Variants in MYO16 observed in about 807,000 individuals in gnomAD.
MYO16 encodes the protein unconventional myosin-XVI.
In MYO16, 94 loss-of-function variants were observed where a neutral mutation model predicts 205.3. That is an observed-to-expected ratio of 0.46 (90% CI 0.39 to 0.54). MYO16 has a LOEUF of 0.54. Ranked by LOEUF, MYO16 falls within the 20% of genes least tolerant of loss-of-function variation. The probability of loss-of-function intolerance (pLI) is 0.00; values close to 1 mark genes in which losing one functional copy is unlikely to be tolerated. For synonymous variants in MYO16, 988 were observed against 954.0 expected, an observed-to-expected ratio of 1.04 and a Z score of -0.66; for missense variants, 2,315 against 2,387.5, an observed-to-expected ratio of 0.97 and a Z score of 0.63.
chr13:108,711,793 G>A (rs1207611977), intron 2 of MYO16, among the ~76,000 whole-genome samples: 1 of 152,198 alleles, frequency 6.6e-6, no homozygotes, highest in Non-Finnish European at 1.5e-5. Context: ...GTTTGAACCT[G>A]AGCCATTTTG....
At chr13:108,554,038 C>T in the MYO16 span, among the ~76,000 whole-genome samples, 1 of 152,148 alleles carries the variant, frequency 6.6e-6, no homozygotes, top group Non-Finnish European at 1.5e-5. Flanking sequence ...GTTGCTAAAC[C>T]GTGTGTGTTC....
chr13:108,966,504 G>A (rs998708292), intron 20 of MYO16, among the ~76,000 whole-genome samples: 16 of 152,124 alleles, frequency 1.1e-4, no homozygotes, highest in African/African-American at 3.4e-4. Flanking sequence ...AACATAAACC[G>A]TGGAAAACAC....
intron 23 of MYO16, among the ~76,000 whole-genome samples, chr13:109,045,965 CTCTCCCTCAGGCGAGGAGGCAAAT>C (rs137919525): frequency 2.7e-4 from 39 of 142,352 alleles, no homozygotes; most frequent in South Asian, 4.6e-4. Context: ...CCGAGGCACA[CTCTCCCTCAGGCGAGGAGGCAAAT>C]TCTCCCTCAC....
At chr13:108,508,638 T>C in the MYO16 span, among the ~76,000 whole-genome samples, 9 of 152,188 alleles carry the variant, frequency 5.9e-5, no homozygotes, top group African/African-American at 2.2e-4. Flanking sequence ...CTTTCCCTCC[T>C]GAGAGAGAAG....
At chr13:109,025,545 G>A (rs1451613367) in intron 23 of MYO16, among the ~76,000 whole-genome samples, 1 of 152,002 alleles carries the variant, frequency 6.6e-6, no homozygotes, top group Non-Finnish European at 1.5e-5. Flanking sequence ...AGGGTTTTTT[G>A]GCTAGATATT....
intron 1 of MYO16, among the ~76,000 whole-genome samples, chr13:108,643,252 C>A (rs1880591801): frequency 6.6e-6 from 1 of 152,120 alleles, no homozygotes; most frequent in South Asian, 2.1e-4. Context: ...TGAAGTTGTA[C>A]AATATGTGAT....
At chr13:109,073,555 C>T (rs1314091607) in intron 27 of MYO16, among the ~76,000 whole-genome samples, 1 of 152,120 alleles carries the variant, frequency 6.6e-6, no homozygotes, top group Non-Finnish European at 1.5e-5. Context: ...AAAACACATA[C>T]AGAAATACAT....
At chr13:108,859,331 C>G (rs1297764685) in intron 11 of MYO16, among the ~76,000 whole-genome samples, 1 of 152,150 alleles carries the variant, frequency 6.6e-6, no homozygotes, top group Non-Finnish European at 1.5e-5. Flanking sequence ...TCAACCAAAA[C>G]CCTAATTTTA....
chr13:108,789,510 C>G (rs1886553185), intron 5 of MYO16, among the ~76,000 whole-genome samples: 1 of 152,104 alleles, frequency 6.6e-6, no homozygotes, highest in Non-Finnish European at 1.5e-5. Flanking sequence ...CCTGCACCAG[C>G]CTCTTCAAAA....
chr13:109,195,126 AT>A lies in MYO16; in HGVS notation c.5416-11475del, dbSNP rs140100509. Reference sequence around the variant, plus strand: ...TTATAAAAGTAAAGAATAGTTGTTGATTTTTTTTAAGAAATTAAAGCATCCA... The same window carrying A: ...TTATAAAAGTAAAGAATAGTTGTTGATTTTTTTAAGAAATTAAAGCATCCA... On this transcript the variant is annotated intron_variant, in intron 34 of 34. Coordinates refer to ENST00000457511, the MANE Select transcript of MYO16 (RefSeq NM_001198950.3). Among the ~76,000 whole-genome samples the A allele has an allele frequency of 2.6e-5, 4 of 151,862 alleles. No individual in the cohort carries two copies. The South Asian group carries it at 6.2e-4, about 24-fold the overall frequency.
In MYO16 at chr13:109,080,839, A is replaced by G. The variant is rs73618353; in HGVS notation, c.3336-19946A>G. 3.6e-3 allele frequency among the ~76,000 whole-genome samples: 547 copies of G among 152,274 alleles called. 4 individuals carry two copies. The highest frequency in any genetic ancestry group is 0.012 in the African/African-American group (495 of 41,548). On this transcript the variant is annotated intron_variant, in intron 27 of 34. Coordinates refer to ENST00000457511, the MANE Select transcript of MYO16 (RefSeq NM_001198950.3). Reference sequence around the variant, plus strand: ...TATCTCAAGAGTTTTTGCAGCAACCATTACTTGTAAGTACTGTGTGACCAT... The same window carrying G: ...TATCTCAAGAGTTTTTGCAGCAACCGTTACTTGTAAGTACTGTGTGACCAT...
intron 1 of MYO16, among the ~76,000 whole-genome samples, chr13:108,617,516 G>A (rs1453798499): frequency 6.6e-6 from 1 of 152,140 alleles, no homozygotes; most frequent in East Asian, 1.9e-4. Flanking sequence ...ACAACCTGTT[G>A]TTGTAAATGC....
intron 23 of MYO16, among the ~76,000 whole-genome samples, chr13:109,043,589 G>A (rs1395299543): frequency 6.6e-6 from 1 of 152,120 alleles, no homozygotes; most frequent in Non-Finnish European, 1.5e-5. Context: ...AAGTGAGGAT[G>A]TAAAAAGGCC....
intron 1 of MYO16, among the ~76,000 whole-genome samples, chr13:108,614,133 G>A (rs148869214): frequency 1.4e-4 from 21 of 152,138 alleles, no homozygotes; most frequent in African/African-American, 2.4e-4. Flanking sequence ...AATGTTTACA[G>A]GATACAATAT....
chr13:108,576,203 G>C, the MYO16 span, among the ~76,000 whole-genome samples: 3 of 152,212 alleles, frequency 2.0e-5, no homozygotes, highest in African/African-American at 7.2e-5. Flanking sequence ...TAGCACTAGA[G>C]ACAGGTCAGA....
the MYO16 span, among the ~76,000 whole-genome samples, chr13:108,498,687 G>A: frequency 1.3e-5 from 2 of 152,156 alleles, no homozygotes. Flanking sequence ...AAGCCAGGCC[G>A]TAAAAGCAGA....
intron 4 of MYO16, among the ~76,000 whole-genome samples, chr13:108,776,383 T>C (rs1735799552): frequency 6.6e-6 from 1 of 152,192 alleles, no homozygotes; most frequent in South Asian, 2.1e-4. Context: ...AGAGGCCCAC[T>C]GTTAACACCA....
intron 2 of MYO16, among the ~76,000 whole-genome samples, chr13:108,705,982 C>T (rs11617857): frequency 0.19 from 29,142 of 152,104 alleles, 3,035 homozygotes; most frequent in Non-Finnish European, 0.24. Flanking sequence ...CTAACACACT[C>T]TATATGACCA....
At chr13:108,733,080 A>C (rs1329616560) in intron 4 of MYO16, among the ~76,000 whole-genome samples, 1 of 152,180 alleles carries the variant, frequency 6.6e-6, no homozygotes, top group Non-Finnish European at 1.5e-5. Context: ...GTCATCCATA[A>C]AAATAATTTT....
Sources: gnomAD v4.1 joint callset for allele counts (sites outside exome capture counted in the v4.1 genomes callset) on GRCh38, gnomAD v4.1.1 for gene constraint, MANE v1.5 for transcripts, NCBI Gene and HGNC (gene_info 2026-07-23, HGNC 2026-07-21) for gene names.